FER: variants seen among roughly 807,000 people sequenced by gnomAD.
The protein encoded by FER is FER tyrosine kinase.
Under a neutral mutation model 111.0 loss-of-function variants are expected in FER, and 63 were observed. The observed-to-expected ratio is 0.57, with a 90% CI of 0.46 to 0.70. The LOEUF (loss-of-function observed/expected upper bound fraction) is 0.70, where lower values mean the gene tolerates loss of function less well. FER is among the 30% of genes least tolerant of loss of function. The pLI, the probability that FER is intolerant of heterozygous loss-of-function variation, is 0.00. For synonymous variants in FER, 327 were observed against 313.9 expected, an observed-to-expected ratio of 1.04 and a Z score of -0.44; for missense variants, 914 against 954.0, an observed-to-expected ratio of 0.96 and a Z score of 0.55.
At chr5:108,941,901 C>T (rs762171439) in intron 10 of FER, among the ~76,000 whole-genome samples, 1 of 152,082 alleles carries the variant, frequency 6.6e-6, no homozygotes, top group Non-Finnish European at 1.5e-5. Flanking sequence ...TAAGAGCAAA[C>T]CCTAATGAAA....
At chr5:109,156,856 A>G (rs1755452057) in intron 17 of FER, among the ~76,000 whole-genome samples, 2 of 152,110 alleles carry the variant, frequency 1.3e-5, no homozygotes, top group Admixed American at 6.6e-5. Flanking sequence ...GGGCAAAATC[A>G]TATTAATATT....
rs750751473 is a variant in FER, at chr5:109,187,464, A to G, written c.2358A>G (p.Pro786=). 6.2e-7 allele frequency: 1 copy of G among 1,614,018 alleles called. No individual in the cohort carries two copies. Among genetic ancestry groups the G allele is most frequent in the African/African-American group, 1.3e-5 (1 of 74,926 alleles). ...GGATGTCAGCTCCCCAGCACTGTCCAGAGGATATTTCCAAAATCATGATGA... is the reference window on the plus strand; with the variant it reads ...GGATGTCAGCTCCCCAGCACTGTCCGGAGGATATTTCCAAAATCATGATGA... The part of the protein sequence containing the change: ...GYRMSAPQHC[P]EDISKIMMKC... The change falls in exon 20 of 20, where the codon CCA becomes CCG. Residue 786 remains proline, a synonymous_variant. Coordinates refer to ENST00000281092, the MANE Select transcript of FER (RefSeq NM_005246.4).
At chr5:109,128,504 T>C (rs1374016671) in intron 17 of FER, among the ~76,000 whole-genome samples, 1 of 152,152 alleles carries the variant, frequency 6.6e-6, no homozygotes, top group Non-Finnish European at 1.5e-5. Context: ...ACTTGGGAGT[T>C]ACCTAATAAA....
At chr5:109,051,891 A>G (rs772048359) in intron 16 of FER, 10 of 1,561,914 alleles carry the variant, frequency 6.4e-6, no homozygotes, top group Non-Finnish European at 8.8e-6. Context: ...GTGGGCAGGG[A>G]TCTCTTTTGC....
At chr5:108,860,687 A>T (rs187994195) in intron 5 of FER, among the ~76,000 whole-genome samples, 15 of 152,242 alleles carry the variant, frequency 9.9e-5, no homozygotes, top group Non-Finnish European at 1.6e-4. Context: ...TGTGCCTAGG[A>T]TAGCGAGTGT....
At chr5:109,093,234 G>A (rs1195906180) in intron 16 of FER, among the ~76,000 whole-genome samples, 1 of 152,146 alleles carries the variant, frequency 6.6e-6, no homozygotes, top group Non-Finnish European at 1.5e-5. Context: ...TGTTAATACA[G>A]TAAATTTATT....
At chr5:109,166,951 G>C (rs566971796) in intron 17 of FER, among the ~76,000 whole-genome samples, 46 of 133,600 alleles carry the variant, frequency 3.4e-4, no homozygotes, top group South Asian at 1.2e-3. Context: ...TGCTAGGTTA[G>C]CCTAGATACA....
chr5:108,954,749 C>T lies in FER; in HGVS notation c.1350C>T (p.Ile450=). The stretch of plus-strand genomic sequence containing the variant: ...TTAAGCTTTCTGATATGATCTCCAT[C>T]AGTGAGAAGCCTTTGGCAGAACAGG... The part of the protein sequence containing the change: ...GSSALSDMIS[I]SEKPLAEQDW... Residue 450 remains isoleucine (I), a synonymous_variant, in exon 12 of 20, where the codon ATC becomes ATT. Coordinates refer to ENST00000281092, the MANE Select transcript of FER (RefSeq NM_005246.4). 6.3e-7 allele frequency: 1 copy of T among 1,597,294 alleles called. No homozygotes were observed. The highest frequency in any genetic ancestry group is 1.1e-5 in the South Asian group (1 of 87,964).
intron 17 of FER, among the ~76,000 whole-genome samples, chr5:109,111,059 T>C (rs1385038608): frequency 1.3e-5 from 2 of 152,166 alleles, no homozygotes; most frequent in Non-Finnish European, 2.9e-5. Flanking sequence ...TATATTTAAA[T>C]TGGACATATG....
intron 10 of FER, chr5:108,924,537 A>G: frequency 9.1e-7 from 1 of 1,093,428 alleles, no homozygotes; most frequent in Non-Finnish European, 1.2e-6. Context: ...AGGGGGAGAT[A>G]GTATGAAATA....
At position 108,752,903 on chromosome 5, in the gene FER, A is replaced by G. The variant is rs536998073; in HGVS notation, c.-206+4903A>G. Reference sequence around the variant, plus strand: ...TAGGTATTAAAAGACTGGACATTTTATGTAGGTTTTCCTTGCTAGGTTTCA... The same window carrying G: ...TAGGTATTAAAAGACTGGACATTTTGTGTAGGTTTTCCTTGCTAGGTTTCA... On this transcript the variant is annotated intron_variant, in intron 1 of 19. Transcript: ENST00000281092. Among the ~76,000 whole-genome samples the G allele has an allele frequency of 2.0e-5, 3 of 152,206 alleles. No individual in the cohort carries two copies. The South Asian group carries it at 6.2e-4, about 32-fold the overall frequency.
At chr5:109,145,454 G>C (rs187578012) in intron 17 of FER, among the ~76,000 whole-genome samples, 86 of 152,148 alleles carry the variant, frequency 5.7e-4, no homozygotes, top group Non-Finnish European at 5.9e-4. Context: ...ATGTGCTTCA[G>C]TGTTTTATAT....
At chr5:109,051,573 A>G in intron 16 of FER, 28 of 1,609,958 alleles carry the variant, frequency 1.7e-5, no homozygotes, top group Non-Finnish European at 2.3e-5. Context: ...TGCGGCAAGA[A>G]GAATTGTTTC....
At chr5:108,845,043 T>TATATAC (rs1761854128) in intron 5 of FER, among the ~76,000 whole-genome samples, 3 of 29,330 alleles carry the variant, frequency 1.0e-4, no homozygotes, top group East Asian at 1.2e-3. Context: ...TATATATACA[T>TATATAC]ATATATATAT....
intron 10 of FER, among the ~76,000 whole-genome samples, chr5:108,911,640 A>G (rs551211056): frequency 6.7e-4 from 102 of 152,186 alleles, no homozygotes; most frequent in African/African-American, 2.4e-3. Context: ...TAATTTTTGT[A>G]TATGGTGAGA....
Position 109,047,157 on chromosome 5 carries a change from C to G in FER, c.1883C>G (p.Thr628Arg). The change falls in exon 16 of 20, where the codon ACA becomes AGA. Residue 628 changes from threonine to arginine, a missense_variant. This residue lies in a region of FER where 774 missense variants were observed against 782.6 expected (regional missense o/e 0.99). Coordinates refer to ENST00000281092, the MANE Select transcript of FER (RefSeq NM_005246.4). ...ATTGTCAAACTTATAGGAGTTTGCACACAAAGACAGCCTGTCTACATCATT... is the reference window on the plus strand; with the variant it reads ...ATTGTCAAACTTATAGGAGTTTGCAGACAAAGACAGCCTGTCTACATCATT... ...PNIVKLIGVC[T>R]QRQPVYIIME... 1 of 1,608,976 alleles carries G rather than the reference C, an allele frequency of 6.2e-7. No homozygotes were observed. The highest frequency in any genetic ancestry group is 2.3e-5 in the East Asian group (1 of 44,426).
chr5:108,924,736 T>TG, intron 10 of FER: 3 of 1,232,076 alleles, frequency 2.4e-6, no homozygotes, highest in Non-Finnish European at 3.0e-6. Flanking sequence ...CTGTAAAACA[T>TG]GTGCTTTAAT....
intron 17 of FER, among the ~76,000 whole-genome samples, chr5:109,180,411 A>T (rs553767376): frequency 5.3e-5 from 8 of 152,216 alleles, no homozygotes; most frequent in African/African-American, 1.9e-4. Context: ...TTATTGGACA[A>T]TGCTGCTCTA....
intron 17 of FER, among the ~76,000 whole-genome samples, chr5:109,146,076 C>G (rs1012701302): frequency 6.7e-6 from 1 of 150,206 alleles, no homozygotes; most frequent in African/African-American, 2.4e-5. Flanking sequence ...GTAGAGATTT[C>G]TCAATGAAAT....
Sources: gnomAD v4.1 joint callset for allele counts (sites outside exome capture counted in the v4.1 genomes callset) on GRCh38, gnomAD v4.1.1 for gene constraint, gnomAD v4.1.1 regional missense constraint, MANE v1.5 for transcripts, NCBI Gene and HGNC (gene_info 2026-07-23, HGNC 2026-07-21) for gene names.